The following DLC1 variants were observed in gnomAD, a reference collection of about 807,000 sequenced individuals.
DLC1 encodes rho GTPase-activating protein 7.
A neutral mutation model predicts 140.3 loss-of-function variants in DLC1; 54 were observed. The observed-to-expected ratio is 0.38, with a 90% CI of 0.31 to 0.48. The LOEUF (loss-of-function observed/expected upper bound fraction) is 0.48. DLC1 is among the 20% of genes least tolerant of loss of function. The pLI, the probability that DLC1 is intolerant of heterozygous loss-of-function variation, is 0.96. For missense variants in DLC1, 2,536 were observed against 1,907.0 expected (o/e 1.33, Z -6.14); for synonymous variants, 986 against 728.1 (o/e 1.35, Z -5.70).
chr8:13,479,378 C>A (rs973765789), intron 2 of DLC1, among the ~76,000 whole-genome samples: 1 of 151,824 alleles, frequency 6.6e-6, no homozygotes, highest in Non-Finnish European at 1.5e-5. Context: ...AAAAAAAGGT[C>A]GCATAATGAG....
In DLC1 at chr8:13,254,876, A is replaced by T. The variant is rs188920667; in HGVS notation, c.1348+50393T>A. The stretch of plus-strand genomic sequence containing the variant: ...CTCAGAAGGCACAATAGTGATGGTT[A>T]AGGGCACCGATCCTGGAAATTGGGG... On this transcript the variant is annotated intron_variant, in intron 5 of 17. Coordinates refer to ENST00000276297, the MANE Select transcript of DLC1 (RefSeq NM_182643.3). Among the ~76,000 whole-genome samples the T allele has an allele frequency of 1.8e-3, 269 of 152,338 alleles. 4 individuals are homozygous for T. The highest frequency in any genetic ancestry group is 0.017 in the Admixed American group (253 of 15,302).
intron 5 of DLC1, among the ~76,000 whole-genome samples, chr8:13,146,419 AGTG>A (rs1393304791): frequency 6.6e-6 from 1 of 152,082 alleles, no homozygotes; most frequent in Non-Finnish European, 1.5e-5. Context: ...TTCCATAACT[AGTG>A]AGCTAGTGAT....
rs1455994659 is a variant in DLC1, at chr8:13,208,741, CACAG to C, written c.1349-93088_1349-93085del. ...AACACACACCACACACACACATACA[CACAG>C]ACACACACACACACACACACACACA... On this transcript the variant is annotated intron_variant, in intron 5 of 17. Coordinates refer to ENST00000276297, the MANE Select transcript of DLC1 (RefSeq NM_182643.3). Among the ~76,000 whole-genome samples the C allele has an allele frequency of 1.3e-4, 12 of 94,488 alleles. 1 individual carries two copies. The highest frequency in any genetic ancestry group is 9.1e-4 in the South Asian group (3 of 3,308). 62.0% of individuals were successfully genotyped at this position (94,488 alleles called of 152,430 possible).
intron 5 of DLC1, among the ~76,000 whole-genome samples, chr8:13,230,680 T>A (rs1401137307): frequency 1.3e-5 from 2 of 149,148 alleles, no homozygotes; most frequent in Non-Finnish European, 3.0e-5. Flanking sequence ...CACTGCAACC[T>A]CTACCTCCCA....
chr8:13,144,263 C>T (rs1312559298), intron 5 of DLC1, among the ~76,000 whole-genome samples: 1 of 152,182 alleles, frequency 6.6e-6, no homozygotes, highest in Admixed American at 6.5e-5. Flanking sequence ...AGAACTCCAG[C>T]TTCTCTGGCC....
chr8:13,115,689 C>T, intron 5 of DLC1, 32 bp from the exon 6 acceptor site: 1 of 1,599,928 alleles, frequency 6.3e-7, no homozygotes, highest in Non-Finnish European at 8.5e-7. Context: ...ACAAAATTAG[C>T]CATGTGTACC....
chr8:13,494,966 C>T (rs964080667), intron 2 of DLC1, among the ~76,000 whole-genome samples: 5 of 152,006 alleles, frequency 3.3e-5, no homozygotes, highest in African/African-American at 1.2e-4. Flanking sequence ...AATAAACAAA[C>T]ACACACAAAC....
At chr8:13,116,227 G>T in intron 5 of DLC1, 1 of 985,466 alleles carries the variant, frequency 1.0e-6, no homozygotes, top group Non-Finnish European at 1.2e-6. Flanking sequence ...CAAGGAACAT[G>T]GAGGGCACGA....
chr8:13,171,439 G>A (rs981129718), intron 5 of DLC1, among the ~76,000 whole-genome samples: 2 of 148,780 alleles, frequency 1.3e-5, no homozygotes, highest in Non-Finnish European at 3.0e-5. Context: ...CTGGAGTGCT[G>A]TCACCCAGAC....
chr8:13,151,412 A>C (rs1466544894), intron 5 of DLC1, among the ~76,000 whole-genome samples: 2 of 152,210 alleles, frequency 1.3e-5, no homozygotes, highest in African/African-American at 4.8e-5. Flanking sequence ...AATTTGAACA[A>C]CTTGCCTAAG....
chr8:13,310,134 A>G (rs370246533), intron 4 of DLC1, among the ~76,000 whole-genome samples: 65 of 152,296 alleles, frequency 4.3e-4, no homozygotes, highest in Middle Eastern at 3.4e-3. Flanking sequence ...AAGTTCTCCT[A>G]TGTTCCATGA....
At chr8:13,498,774 A>G (rs369278001) in intron 2 of DLC1, 28 of 311,728 alleles carry the variant, frequency 9.0e-5, no homozygotes, top group South Asian at 7.2e-4. Context: ...AATTCCAACT[A>G]AAGAAAGGGA....
At chr8:13,167,881 CTT>C (rs1389459298) in intron 5 of DLC1, among the ~76,000 whole-genome samples, 2 of 152,316 alleles carry the variant, frequency 1.3e-5, no homozygotes, top group East Asian at 3.9e-4. Context: ...AAAAACTAAA[CTT>C]ATTTTTAGAC....
chr8:13,240,124 C>T (rs972511664), intron 5 of DLC1, among the ~76,000 whole-genome samples: 22 of 152,052 alleles, frequency 1.4e-4, no homozygotes, highest in Admixed American at 7.2e-4. Context: ...CAAACTTCAG[C>T]GTACTGTGGA....
intron 4 of DLC1, among the ~76,000 whole-genome samples, chr8:13,334,006 A>G (rs1404898836): frequency 6.6e-6 from 1 of 152,164 alleles, no homozygotes; most frequent in African/African-American, 2.4e-5. Context: ...GCCTAACGAC[A>G]TGGAAAACAA....
intron 4 of DLC1, among the ~76,000 whole-genome samples, chr8:13,388,522 A>G (rs1282078603): frequency 6.6e-6 from 1 of 152,064 alleles, no homozygotes; most frequent in Non-Finnish European, 1.5e-5. Context: ...GAAAGATTGT[A>G]TGACTACATA....
chr8:13,308,040 C>A (rs1362463559), intron 4 of DLC1, among the ~76,000 whole-genome samples: 1 of 152,174 alleles, frequency 6.6e-6, no homozygotes, highest in East Asian at 1.9e-4. Context: ...ACATTTAAGT[C>A]AAGTTGAAAG....
intron 4 of DLC1, among the ~76,000 whole-genome samples, chr8:13,326,457 A>G (rs1833351966): frequency 1.3e-5 from 2 of 152,150 alleles, no homozygotes; most frequent in Non-Finnish European, 2.9e-5. Flanking sequence ...AGGACATATA[A>G]TTGTGCATAT....
intron 4 of DLC1, among the ~76,000 whole-genome samples, chr8:13,360,773 A>T (rs1835185804): frequency 6.6e-6 from 1 of 152,188 alleles, no homozygotes; most frequent in African/African-American, 2.4e-5. Flanking sequence ...AAAAAATAAA[A>T]TTCATAATCT....
Sources: allele counts gnomAD v4.1 joint callset (sites outside exome capture counted in the v4.1 genomes callset), GRCh38; gene constraint gnomAD v4.1.1; transcripts MANE v1.5; gene names NCBI Gene and HGNC (gene_info 2026-07-23, HGNC 2026-07-21).